The following IL1RAPL2 variants were observed in gnomAD, a reference collection of about 807,000 sequenced individuals.
The protein encoded by IL1RAPL2 is interleukin 1 receptor accessory protein like 2.
In IL1RAPL2, 3 loss-of-function variants were observed where a neutral mutation model predicts 44.1. The ratio of observed to expected loss-of-function variants is 0.07; its 90% CI spans 0.03 to 0.18. IL1RAPL2 has a LOEUF of 0.18. Among genes scored for constraint, IL1RAPL2 ranks in the 10% least tolerant of loss-of-function variants. The pLI is 1.00. For synonymous variants in IL1RAPL2, 181 were observed against 178.8 expected, an observed-to-expected ratio of 1.01 and a Z score of -0.10; for missense variants, 391 against 496.4, an observed-to-expected ratio of 0.79 and a Z score of 2.02.
chrX:104,757,775 A>C (rs893109390), intron 2 of IL1RAPL2, among the ~76,000 whole-genome samples: 3 of 111,801 alleles, frequency 2.7e-5, no homozygotes, highest in Admixed American at 1.9e-4. Flanking sequence ...TATAACCAGA[A>C]AGCAGAATAA....
At position 105,298,213 on chromosome X, in the gene IL1RAPL2, C is replaced by T. The variant is rs149613584; in HGVS notation, c.697+30672C>T. Among the ~76,000 whole-genome samples, 1,003 of 111,407 alleles carry T rather than the reference C, an allele frequency of 9.0e-3. 5 individuals carry two copies. Among genetic ancestry groups the T allele is most frequent in the Non-Finnish European group, 0.012 (661 of 53,129 alleles). On this transcript the variant is annotated intron_variant, in intron 5 of 10. Transcript: ENST00000372582. ...TACTAACTATAACCACCATGCTGTA[C>T]GATAGATCTCTGGAACTTAGTTCTC...
At chrX:105,435,581 A>T (rs899648470) in intron 5 of IL1RAPL2, among the ~76,000 whole-genome samples, 1 of 112,004 alleles carries the variant, frequency 8.9e-6, no homozygotes, top group East Asian at 2.8e-4. Context: ...TATTATAAAA[A>T]TACATGCACA....
chrX:105,012,432 A>T (rs1298597220), intron 2 of IL1RAPL2, among the ~76,000 whole-genome samples: 14 of 110,634 alleles, frequency 1.3e-4, no homozygotes. Context: ...CTAGGTTTTC[A>T]GATAAGGGAC....
intron 2 of IL1RAPL2, among the ~76,000 whole-genome samples, chrX:104,807,822 A>T (rs1229643731): frequency 2.7e-5 from 3 of 111,745 alleles, no homozygotes; most frequent in African/African-American, 9.8e-5. Context: ...GCAACTATGT[A>T]ATATAAATGG....
chrX:104,851,970 G>T (rs1328468054), intron 2 of IL1RAPL2, among the ~76,000 whole-genome samples: 2 of 111,152 alleles, frequency 1.8e-5, no homozygotes, highest in East Asian at 5.7e-4. Flanking sequence ...TGAGGAATTT[G>T]CCCCCATGAC....
intron 5 of IL1RAPL2, among the ~76,000 whole-genome samples, chrX:105,447,811 AAT>A (rs1257462672): frequency 1.6e-4 from 14 of 89,417 alleles, no homozygotes; most frequent in African/African-American, 5.8e-4. Context: ...TATACATATA[AAT>A]ATATAAATAT....
intron 2 of IL1RAPL2, among the ~76,000 whole-genome samples, chrX:104,847,179 C>T (rs1219479801): frequency 8.9e-6 from 1 of 112,016 alleles, no homozygotes; most frequent in African/African-American, 3.3e-5. Flanking sequence ...TTTTGCTTTG[C>T]AGAAGCTCTT....
At chrX:104,717,727 C>T (rs1054429728) in intron 2 of IL1RAPL2, among the ~76,000 whole-genome samples, 5 of 109,400 alleles carry the variant, frequency 4.6e-5, no homozygotes, top group Admixed American at 2.9e-4. Flanking sequence ...CGTCATTTAG[C>T]GTTAGGTATC....
intron 2 of IL1RAPL2, among the ~76,000 whole-genome samples, chrX:104,764,620 C>T (rs1025862135): frequency 1.8e-5 from 2 of 111,782 alleles, no homozygotes; most frequent in African/African-American, 6.5e-5. Context: ...AGTGGGCATC[C>T]TTGTCATGTT....
chrX:105,518,827 C>T lies in IL1RAPL2; in HGVS notation c.772+34440C>T, dbSNP rs377345678. On this transcript the variant is annotated intron_variant, in intron 6 of 10. Transcript: ENST00000372582. ...AGTATAACCCTATGATAACATCATC[C>T]ACTGGCTTATATTTTTATCTAAATT... Among the ~76,000 whole-genome samples the T allele has an allele frequency of 7.2e-5, 8 of 111,305 alleles. No homozygotes were observed. The East Asian group carries it at 1.4e-3, about 20-fold the overall frequency.
intron 2 of IL1RAPL2, among the ~76,000 whole-genome samples, chrX:104,850,715 C>A (rs938881637): frequency 9.0e-6 from 1 of 111,297 alleles, no homozygotes. Context: ...TTTAAAAAAT[C>A]TTGGCTGAAA....
chrX:104,776,968 G>A (rs1022622949), intron 2 of IL1RAPL2, among the ~76,000 whole-genome samples: 26 of 111,378 alleles, frequency 2.3e-4, no homozygotes, highest in Non-Finnish European at 3.0e-4. Context: ...TCGTGTCTAT[G>A]TAGGATCCTC....
chrX:105,111,589 G>A (rs1023685222), intron 2 of IL1RAPL2, among the ~76,000 whole-genome samples: 2 of 111,967 alleles, frequency 1.8e-5, no homozygotes, highest in Non-Finnish European at 1.9e-5. Flanking sequence ...GCAGAACAGA[G>A]CAATGACAAC....
At chrX:104,612,451 T>C (rs1371556847) in intron 1 of IL1RAPL2, among the ~76,000 whole-genome samples, 1 of 111,796 alleles carries the variant, frequency 8.9e-6, no homozygotes, top group East Asian at 2.8e-4. Flanking sequence ...CCTTTCCCCA[T>C]TGTTTATTTT....
intron 6 of IL1RAPL2, among the ~76,000 whole-genome samples, chrX:105,608,516 T>C (rs764514756): frequency 3.6e-5 from 4 of 112,096 alleles, no homozygotes; most frequent in Middle Eastern, 4.6e-3. Context: ...AGAGAGTATA[T>C]GTTTGTGACT....
At chrX:105,131,641 C>T (rs191137032) in intron 2 of IL1RAPL2, among the ~76,000 whole-genome samples, 39 of 109,771 alleles carry the variant, frequency 3.6e-4, no homozygotes, top group African/African-American at 1.2e-3. Context: ...TTCTTCCAAA[C>T]GCTAATATAA....
At chrX:104,914,317 A>G (rs1377612415) in intron 2 of IL1RAPL2, among the ~76,000 whole-genome samples, 3 of 111,992 alleles carry the variant, frequency 2.7e-5, no homozygotes, top group African/African-American at 9.7e-5. Context: ...GTGGGTTTGG[A>G]GTGCTGGTCA....
intron 1 of IL1RAPL2, among the ~76,000 whole-genome samples, chrX:104,645,920 G>A (rs768951449): frequency 2.7e-5 from 3 of 112,469 alleles, no homozygotes; most frequent in Admixed American, 1.9e-4. Flanking sequence ...ATATGGTCTA[G>A]TTAAATGGAT....
At chrX:105,447,015 G>A (rs2035959685) in intron 5 of IL1RAPL2, among the ~76,000 whole-genome samples, 1 of 85,294 alleles carries the variant, frequency 1.2e-5, no homozygotes, top group African/African-American at 4.3e-5. Context: ...ATTTGTCTGC[G>A]AAGGTCTTCA....
Sources: gnomAD v4.1 joint callset for allele counts (sites outside exome capture counted in the v4.1 genomes callset) on GRCh38, gnomAD v4.1.1 for gene constraint, MANE v1.5 for transcripts, NCBI Gene and HGNC (gene_info 2026-07-23, HGNC 2026-07-21) for gene names.